The following SMAD1 variants were observed in gnomAD, a reference collection of about 807,000 sequenced individuals.
SMAD1 encodes the protein MAD, mothers against decapentaplegic homolog 1.
Under a neutral mutation model 41.6 loss-of-function variants are expected in SMAD1, and 6 were observed. That is an observed-to-expected ratio of 0.14 (90% CI 0.08 to 0.28). The LOEUF is 0.28. SMAD1 is among the 10% of genes least tolerant of loss of function. The pLI is 1.00. For missense variants in SMAD1, 379 were observed against 582.6 expected (o/e 0.65, Z 3.60); for synonymous variants, 206 against 203.2 (o/e 1.01, Z -0.12).
chr4:145,504,817 A>G (rs1729674889), intron 1 of SMAD1, among the ~76,000 whole-genome samples: 1 of 152,052 alleles, frequency 6.6e-6, no homozygotes, highest in Non-Finnish European at 1.5e-5. Context: ...CATTTTGTGA[A>G]TTTTTCATAT....
intron 1 of SMAD1, among the ~76,000 whole-genome samples, chr4:145,501,226 A>G (rs763839100): frequency 6.6e-6 from 1 of 152,146 alleles, no homozygotes; most frequent in Non-Finnish European, 1.5e-5. Flanking sequence ...TATTTCTCTC[A>G]CCTGTGGAGG....
intron 2 of SMAD1, among the ~76,000 whole-genome samples, chr4:145,526,673 G>C (rs1363477923): frequency 6.6e-6 from 1 of 152,154 alleles, no homozygotes; most frequent in Non-Finnish European, 1.5e-5. Context: ...CCATGCTGAA[G>C]ATGAATGGGG....
chr4:145,558,430 A>T lies in SMAD1; in HGVS notation c.*496A>T, dbSNP rs945673097. Among the ~76,000 whole-genome samples the T allele has an allele frequency of 2.8e-4, 42 of 152,302 alleles. No homozygotes were observed. Among genetic ancestry groups the T allele is most frequent in the African/African-American group, 9.4e-4 (39 of 41,550 alleles). ...TGTTTAGCGATGGTTTTGTTCGTTT[A>T]AGTAAAGGTTAATCTTGATGATATA... On this transcript the variant is annotated 3_prime_UTR_variant, in exon 7 of 7. Transcript: ENST00000302085.
At chr4:145,499,827 G>A (rs1041261309) in intron 1 of SMAD1, among the ~76,000 whole-genome samples, 1 of 152,114 alleles carries the variant, frequency 6.6e-6, no homozygotes, top group South Asian at 2.1e-4. Flanking sequence ...CAGGAATTAT[G>A]GACATTTAGT....
At chr4:145,484,115 A>C (rs952471844) in intron 1 of SMAD1, among the ~76,000 whole-genome samples, 1 of 152,228 alleles carries the variant, frequency 6.6e-6, no homozygotes, top group Non-Finnish European at 1.5e-5. Context: ...GTTAAATATT[A>C]AATCTAATAA....
Position 145,482,108 on chromosome 4 carries a change from G to C in SMAD1, c.-177+70G>C, listed in dbSNP as rs1354231639. 1 of 152,112 alleles carries C rather than the reference G, an allele frequency of 6.6e-6. No individual in the cohort carries two copies. Among genetic ancestry groups the C allele is most frequent in the Non-Finnish European group, 1.5e-5 (1 of 68,168 alleles). The allele number at this position is 152,112 out of a possible 1,614,324, so 9.4% of individuals were successfully genotyped here. ...TCCCAGCCCTCCCCTCGGCGCCCCG[G>C]GCTTTCCAGCGCCGCCGCCGCCGTC... is the stretch of plus-strand genomic sequence containing the variant. On this transcript the variant is annotated intron_variant, in intron 1 of 6. Coordinates refer to ENST00000302085, the MANE Select transcript of SMAD1 (RefSeq NM_005900.3). The surrounding 1 kb of genome is among the most constrained non-coding windows in gnomAD (Gnocchi z 4.2).
At chr4:145,532,305 T>A (rs1731360343) in intron 2 of SMAD1, among the ~76,000 whole-genome samples, 1 of 152,114 alleles carries the variant, frequency 6.6e-6, no homozygotes, top group African/African-American at 2.4e-5. Context: ...ATCTGAAGAT[T>A]TTTTTCTCCT....
intron 2 of SMAD1, among the ~76,000 whole-genome samples, chr4:145,536,578 C>T (rs1251802016): frequency 1.3e-5 from 2 of 151,956 alleles, no homozygotes; most frequent in Admixed American, 1.3e-4. Flanking sequence ...TATATATAGG[C>T]ATATAGACAC....
chr4:145,542,473 T>C, intron 3 of SMAD1, 109 bp from the exon 4 acceptor site: 1 of 614,718 alleles, frequency 1.6e-6, no homozygotes, highest in Non-Finnish European at 2.8e-6. Flanking sequence ...AATGGGGAGA[T>C]TGAAATGACA....
chr4:145,516,083 T>C (rs1730368676), intron 2 of SMAD1, among the ~76,000 whole-genome samples: 1 of 152,224 alleles, frequency 6.6e-6, no homozygotes, highest in Non-Finnish European at 1.5e-5. Context: ...TATCCCCTAC[T>C]CATTTTAAGA....
intron 5 of SMAD1, among the ~76,000 whole-genome samples, chr4:145,549,709 C>T (rs928547806): frequency 6.6e-6 from 1 of 152,084 alleles, no homozygotes; most frequent in Admixed American, 6.6e-5. Flanking sequence ...TTATTAGATG[C>T]TTTAAAAGCA....
chr4:145,487,889 G>C (rs1368669369), intron 1 of SMAD1, among the ~76,000 whole-genome samples: 2 of 152,116 alleles, frequency 1.3e-5, no homozygotes, highest in African/African-American at 4.8e-5. Context: ...AAAGCCAAAA[G>C]TTTCATAAGC....
intron 1 of SMAD1, among the ~76,000 whole-genome samples, chr4:145,503,643 C>T (rs1447727507): frequency 1.3e-5 from 2 of 152,292 alleles, no homozygotes; most frequent in East Asian, 1.9e-4. Flanking sequence ...ACAAATACAG[C>T]AGGTCCTCAG....
In SMAD1 at chr4:145,558,732, T is replaced by C. The variant is rs76401099; in HGVS notation, c.*798T>C. The stretch of plus-strand genomic sequence containing the variant: ...TTTTTTAGAGATTTTTATCATTTTT[T>C]TCTCTCTCGGCATTCTTTTTTCTCA... On this transcript the variant is annotated 3_prime_UTR_variant, in exon 7 of 7. Coordinates refer to ENST00000302085, the MANE Select transcript of SMAD1 (RefSeq NM_005900.3). 1.0e-5 allele frequency among the ~76,000 whole-genome samples: 1 copy of C among 99,760 alleles called. No homozygotes were observed. The highest frequency in any genetic ancestry group is 3.4e-4 in the South Asian group (1 of 2,948). The allele number at this position is 99,760 out of a possible 152,430, so 65.4% of individuals were successfully genotyped here. A position where few individuals can be genotyped will look rare whatever the true frequency, so the allele number is the denominator to read the frequency against.
chr4:145,539,755 A>G (rs1410927380), intron 2 of SMAD1, 49 bp from the exon 3 acceptor site: 1 of 1,559,222 alleles, frequency 6.4e-7, no homozygotes, highest in Non-Finnish European at 8.8e-7. Context: ...GTAATTATAG[A>G]TCATAATTCT....
rs1262109438 is a variant in SMAD1 at position 145,496,671 on chromosome 4, A to T, written c.-177+14633A>T. On this transcript the variant is annotated intron_variant, in intron 1 of 6. Transcript: ENST00000302085. Reference sequence around the variant, plus strand: ...TTTATGCACGAGTTCCACAGGGCCCACTGAGACCTGTATGCAAGGATTTTG... The same window carrying T: ...TTTATGCACGAGTTCCACAGGGCCCTCTGAGACCTGTATGCAAGGATTTTG... Among the ~76,000 whole-genome samples the T allele has an allele frequency of 2.0e-5, 3 of 152,168 alleles. No individual in the cohort carries two copies. In the East Asian group the frequency reaches 5.8e-4, roughly 29 times the overall value.
At chr4:145,504,545 C>G (rs1729656691) in intron 1 of SMAD1, among the ~76,000 whole-genome samples, 1 of 152,116 alleles carries the variant, frequency 6.6e-6, no homozygotes, top group Non-Finnish European at 1.5e-5. Context: ...TCTACTTGTT[C>G]TAGAGTTCTG....
chr4:145,484,845 C>G (rs1355633034), intron 1 of SMAD1: 3 of 152,024 alleles, frequency 2.0e-5, no homozygotes, highest in African/African-American at 4.8e-5. Flanking sequence ...CTTTTATTAC[C>G]CCTGAATTTT....
intron 2 of SMAD1, among the ~76,000 whole-genome samples, chr4:145,523,435 T>C (rs1005170306): frequency 6.6e-6 from 1 of 152,160 alleles, no homozygotes; most frequent in Admixed American, 6.5e-5. Flanking sequence ...TTACAGGTTT[T>C]GGACATACAA....
Sources: gnomAD v4.1 joint callset for allele counts (sites outside exome capture counted in the v4.1 genomes callset) on GRCh38, gnomAD v4.1.1 for gene constraint, Gnocchi (gnomAD v3.1) non-coding constraint, MANE v1.5 for transcripts, NCBI Gene and HGNC (gene_info 2026-07-23, HGNC 2026-07-21) for gene names.